The following IKBKB-DT variants were observed in gnomAD, a reference collection of about 807,000 sequenced individuals.
The protein encoded by IKBKB-DT is IKBKB antisense RNA.
intron 3 of IKBKB-DT, among the ~76,000 whole-genome samples, chr8:42,256,281 G>T (rs1807198774): frequency 6.6e-6 from 1 of 152,014 alleles, no homozygotes; most frequent in Non-Finnish European, 1.5e-5. Flanking sequence ...ATAATCATCA[G>T]TCGGGCGTGG....
chr8:42,234,145 T>A (rs1046397433), intron 3 of IKBKB-DT, among the ~76,000 whole-genome samples: 1 of 152,206 alleles, frequency 6.6e-6, no homozygotes, highest in East Asian at 1.9e-4. Flanking sequence ...CAAAGTTAGT[T>A]CAACCTACGC....
intron 3 of IKBKB-DT, among the ~76,000 whole-genome samples, chr8:42,237,252 A>G (rs962068205): frequency 7.9e-5 from 12 of 151,866 alleles, no homozygotes; most frequent in African/African-American, 2.9e-4. Context: ...ATGCCCAGCT[A>G]ATTTTTGTAT....
At chr8:42,268,328 C>T (rs574568634) in intron 1 of IKBKB-DT, among the ~76,000 whole-genome samples, 2 of 150,484 alleles carry the variant, frequency 1.3e-5, no homozygotes, top group Non-Finnish European at 3.0e-5. Context: ...GTAGAGATGG[C>T]GTTTCACCAT....
At chr8:42,235,635 G>T (rs1260078560) in intron 3 of IKBKB-DT, among the ~76,000 whole-genome samples, 3 of 152,276 alleles carry the variant, frequency 2.0e-5, no homozygotes, top group Admixed American at 2.0e-4. Flanking sequence ...CAATCAATCA[G>T]CATTCCCCCT....
chr8:42,248,065 C>G (rs997189723), intron 3 of IKBKB-DT, among the ~76,000 whole-genome samples: 2 of 151,350 alleles, frequency 1.3e-5, no homozygotes, highest in African/African-American at 4.9e-5. Flanking sequence ...TACACTCCAG[C>G]CTGGGCGACA....
intron 1 of IKBKB-DT, among the ~76,000 whole-genome samples, chr8:42,268,322 A>C (rs1426252828): frequency 2.0e-5 from 3 of 151,466 alleles, no homozygotes. Context: ...TTTTTAGTAG[A>C]GATGGCGTTT....
At chr8:42,240,535 G>A (rs1229393419) in intron 3 of IKBKB-DT, among the ~76,000 whole-genome samples, 1 of 144,720 alleles carries the variant, frequency 6.9e-6, no homozygotes, top group East Asian at 2.1e-4. Context: ...TGAGGCAGGA[G>A]AATGGTGTGA....
chr8:42,264,561 A>C (rs1198868824), intron 2 of IKBKB-DT, among the ~76,000 whole-genome samples: 1 of 152,152 alleles, frequency 6.6e-6, no homozygotes, highest in East Asian at 1.9e-4. Context: ...ATATTATTTA[A>C]TTTAACTTAA....
chr8:42,240,611 C>T (rs1336555194), intron 3 of IKBKB-DT, among the ~76,000 whole-genome samples: 2 of 104,222 alleles, frequency 1.9e-5, no homozygotes, highest in African/African-American at 4.0e-5. Context: ...AGCGACAGAG[C>T]AAGACTCAGT....
intron 2 of IKBKB-DT, among the ~76,000 whole-genome samples, chr8:42,265,152 C>T (rs535879352): frequency 2.2e-4 from 34 of 152,306 alleles, no homozygotes; most frequent in Admixed American, 1.2e-3. Context: ...CGTGAGCCAT[C>T]GTGCCCAGCC....
At chr8:42,254,428 G>A (rs377743853) in intron 3 of IKBKB-DT, among the ~76,000 whole-genome samples, 28 of 149,298 alleles carry the variant, frequency 1.9e-4, no homozygotes, top group East Asian at 1.4e-3. Flanking sequence ...CCACCGCCCC[G>A]TCTGGGAAGT....
intron 1 of IKBKB-DT, among the ~76,000 whole-genome samples, chr8:42,269,922 T>A (rs1256085939): frequency 6.6e-6 from 1 of 152,208 alleles, no homozygotes; most frequent in Non-Finnish European, 1.5e-5. Flanking sequence ...TTGTTACTGA[T>A]GTTTTGGCTG....
At chr8:42,251,379 T>G (rs571460481) in intron 3 of IKBKB-DT, among the ~76,000 whole-genome samples, 7 of 152,320 alleles carry the variant, frequency 4.6e-5, no homozygotes, top group African/African-American at 1.7e-4. Flanking sequence ...AGCCTAAAAC[T>G]TTCCTCAATA....
intron 1 of IKBKB-DT, among the ~76,000 whole-genome samples, chr8:42,270,019 TTAAG>T (rs1807522442): frequency 6.6e-6 from 1 of 152,180 alleles, no homozygotes; most frequent in Admixed American, 6.5e-5. Context: ...CTCACAGTGT[TTAAG>T]TAACCAGCCC....
At chr8:42,256,533 T>C (rs1807203085) in intron 3 of IKBKB-DT, among the ~76,000 whole-genome samples, 1 of 151,996 alleles carries the variant, frequency 6.6e-6, no homozygotes, top group Admixed American at 6.6e-5. Flanking sequence ...GATTGTGCCA[T>C]TGCACTCCAA....
At chr8:42,255,620 T>C (rs550603479) in intron 3 of IKBKB-DT, 1 of 152,354 alleles carries the variant, frequency 6.6e-6, no homozygotes, top group South Asian at 2.1e-4. Flanking sequence ...TCATATCGGA[T>C]TATATGTTCA....
At chr8:42,258,095 G>A (rs913801089) in intron 3 of IKBKB-DT, among the ~76,000 whole-genome samples, 5 of 151,418 alleles carry the variant, frequency 3.3e-5, no homozygotes, top group East Asian at 1.9e-4. Flanking sequence ...TTACATAGAC[G>A]GTAAAGAAAA....
chr8:42,253,012 A>G (rs950745207), intron 3 of IKBKB-DT, among the ~76,000 whole-genome samples: 2 of 152,216 alleles, frequency 1.3e-5, no homozygotes, highest in Admixed American at 1.3e-4. Context: ...AAGAATCTCT[A>G]TTAACAAAGC....
intron 3 of IKBKB-DT, among the ~76,000 whole-genome samples, chr8:42,234,595 A>AATTTATTTTATACTTT (rs1182969365): frequency 6.6e-6 from 1 of 152,006 alleles, no homozygotes; most frequent in Non-Finnish European, 1.5e-5. Context: ...CTTTGGGAGA[A>AATTTATTTTATACTTT]ATTTATTTTA....
Sources: allele counts gnomAD v4.1 joint callset (sites outside exome capture counted in the v4.1 genomes callset), GRCh38; gene constraint gnomAD v4.1.1; transcripts MANE v1.5; gene names NCBI Gene and HGNC (gene_info 2026-07-23, HGNC 2026-07-21).